PDE4D: variants seen among roughly 807,000 people sequenced by gnomAD.
The protein encoded by PDE4D is 3',5'-cyclic-AMP phosphodiesterase 4D.
A neutral mutation model predicts 87.4 loss-of-function variants in PDE4D; 24 were observed. The ratio of observed to expected loss-of-function variants is 0.27; its 90% confidence interval spans 0.20 to 0.39. The LOEUF is 0.39. PDE4D is among the 10% of genes least tolerant of loss of function. PDE4D has a pLI of 1.00. For synonymous variants in PDE4D, 384 were observed against 383.2 expected, an observed-to-expected ratio of 1.00 and a Z score of -0.02; for missense variants, 714 against 1,041.0, an observed-to-expected ratio of 0.69 and a Z score of 4.32.
intron 5 of PDE4D, among the ~76,000 whole-genome samples, chr5:59,064,072 A>T (rs1272207463): frequency 6.6e-6 from 1 of 151,808 alleles, no homozygotes; most frequent in African/African-American, 2.4e-5. Context: ...AAAAAATGAG[A>T]AAAAAATATA....
intron 1 of PDE4D, among the ~76,000 whole-genome samples, chr5:59,616,984 A>G (rs2150093368): frequency 1.4e-5 from 2 of 137,968 alleles, no homozygotes; most frequent in Middle Eastern, 8.8e-3. Flanking sequence ...AAGTGCACAT[A>G]AGATTTCGTA....
At chr5:59,431,113 G>A (rs1363851697) in intron 1 of PDE4D, among the ~76,000 whole-genome samples, 2 of 151,678 alleles carry the variant, frequency 1.3e-5, no homozygotes, top group Non-Finnish European at 1.5e-5. Flanking sequence ...TTTTTTCCTC[G>A]TTTAAAACAC....
intron 1 of PDE4D, chr5:59,314,131 C>T (rs766260284): frequency 1.1e-4 from 16 of 152,074 alleles, no homozygotes; most frequent in Non-Finnish European, 2.2e-4. Context: ...AACCAACATT[C>T]CCGAGTGGGC....
chr5:59,934,021 T>C (rs573409976), intron 3 of PDE4D, among the ~76,000 whole-genome samples: 1 of 152,220 alleles, frequency 6.6e-6, no homozygotes, highest in South Asian at 2.1e-4. Flanking sequence ...TCTCAATCTA[T>C]CCTCCAGGCT....
intron 1 of PDE4D, among the ~76,000 whole-genome samples, chr5:60,313,558 G>A (rs1257858041): frequency 1.3e-5 from 2 of 152,124 alleles, no homozygotes; most frequent in African/African-American, 4.8e-5. Flanking sequence ...AACTGACTAG[G>A]AGGGACTCCT....
chr5:59,510,656 T>C (rs1810135050), intron 1 of PDE4D, among the ~76,000 whole-genome samples: 1 of 151,700 alleles, frequency 6.6e-6, no homozygotes, highest in Admixed American at 6.6e-5. Context: ...AAAGGAGGCA[T>C]GACTTACCTG....
intron 3 of PDE4D, among the ~76,000 whole-genome samples, chr5:59,949,912 G>A (rs1758122721): frequency 2.6e-5 from 4 of 152,028 alleles, no homozygotes; most frequent in Admixed American, 2.6e-4. Flanking sequence ...ATGAAACAAA[G>A]CAAATCCACT....
chr5:59,409,296 C>CT, intron 1 of PDE4D, among the ~76,000 whole-genome samples: 1 of 152,118 alleles, frequency 6.6e-6, no homozygotes, highest in African/African-American at 2.4e-5. Flanking sequence ...GGACTTGGGA[C>CT]TTTTGAGTTA....
intron 1 of PDE4D, among the ~76,000 whole-genome samples, chr5:60,362,942 G>A (rs1371333086): frequency 1.3e-5 from 2 of 151,838 alleles, no homozygotes; most frequent in African/African-American, 2.4e-5. Flanking sequence ...GGTTCCCAAT[G>A]AGCCACTTAT....
At chr5:59,277,130 G>A (rs1377572301) in intron 1 of PDE4D, among the ~76,000 whole-genome samples, 2 of 152,144 alleles carry the variant, frequency 1.3e-5, no homozygotes, top group Admixed American at 1.3e-4. Flanking sequence ...ATGTTGGAGT[G>A]CAGTTGTGAC....
chr5:59,038,243 T>C (rs1227901756), intron 6 of PDE4D, among the ~76,000 whole-genome samples: 1 of 152,182 alleles, frequency 6.6e-6, no homozygotes, highest in Non-Finnish European at 1.5e-5. Flanking sequence ...ATGGCACAGA[T>C]GCCTAGTTGA....
intron 2 of PDE4D, among the ~76,000 whole-genome samples, chr5:60,028,030 G>C (rs1473573748): frequency 6.6e-6 from 1 of 152,118 alleles, no homozygotes. Context: ...TCCAAACAGA[G>C]GACCCTGAAA....
chr5:60,475,528 A>C (rs1748242491), intron 1 of PDE4D, among the ~76,000 whole-genome samples: 2 of 152,186 alleles, frequency 1.3e-5, no homozygotes, highest in South Asian at 4.1e-4. Flanking sequence ...AAACTCCAAG[A>C]GATTACTTCC....
intron 2 of PDE4D, among the ~76,000 whole-genome samples, chr5:60,107,031 A>G (rs967616555): frequency 6.6e-6 from 1 of 152,034 alleles, no homozygotes; most frequent in Non-Finnish European, 1.5e-5. Flanking sequence ...AAGGAAATAG[A>G]GACACAAAAA....
At chr5:60,099,397 T>C (rs778106520) in intron 2 of PDE4D, among the ~76,000 whole-genome samples, 1 of 152,002 alleles carries the variant, frequency 6.6e-6, no homozygotes, top group Non-Finnish European at 1.5e-5. Context: ...ATAAAATATA[T>C]TGACATACTG....
chr5:59,389,307 A>C (rs995309226), intron 1 of PDE4D, among the ~76,000 whole-genome samples: 1 of 151,360 alleles, frequency 6.6e-6, no homozygotes, highest in Non-Finnish European at 1.5e-5. Flanking sequence ...ATTTTTAGCT[A>C]TTCAAGAAAT....
intron 1 of PDE4D, among the ~76,000 whole-genome samples, chr5:59,711,772 C>G (rs1379767068): frequency 2.6e-5 from 4 of 152,016 alleles, no homozygotes; most frequent in African/African-American, 9.7e-5. Context: ...TATATTACTT[C>G]TTGTTGACAT....
intron 5 of PDE4D, among the ~76,000 whole-genome samples, chr5:59,168,491 A>G (rs1782238246): frequency 6.6e-6 from 1 of 152,188 alleles, no homozygotes. Flanking sequence ...GAATTGAAGA[A>G]TCCTATACCC....
At chr5:59,166,912 T>C (rs1226055525) in intron 5 of PDE4D, among the ~76,000 whole-genome samples, 10 of 152,188 alleles carry the variant, frequency 6.6e-5, no homozygotes, top group African/African-American at 1.7e-4. Context: ...GCTCAAATAA[T>C]TGCACAGTTT....
Sources: gnomAD v4.1 joint callset for allele counts (sites outside exome capture counted in the v4.1 genomes callset) on GRCh38, gnomAD v4.1.1 for gene constraint, MANE v1.5 for transcripts, NCBI Gene and HGNC (gene_info 2026-07-23, HGNC 2026-07-21) for gene names.